Variants in CFAP99 observed in about 807,000 individuals in gnomAD.
CFAP99 encodes the protein cilia and flagella associated protein 99.
Under a neutral mutation model 82.7 loss-of-function variants are expected in CFAP99, and 84 were observed. The ratio of observed to expected loss-of-function variants is 1.02; its 90% confidence interval spans 0.85 to 1.22. The LOEUF (loss-of-function observed/expected upper bound fraction) is 1.22, where lower values mean the gene tolerates loss of function less well. Among genes scored for constraint, CFAP99 ranks in the 50% most tolerant of loss-of-function variants. CFAP99 has a pLI of 0.00. For missense variants in CFAP99, 1,059 were observed against 983.5 expected, an observed-to-expected ratio of 1.08 and a Z score of -1.03; for synonymous variants, 456 against 429.5, an observed-to-expected ratio of 1.06 and a Z score of -0.76.
intron 14 of CFAP99, among the ~76,000 whole-genome samples, chr4:2,460,616 AT>A (rs1226486132): frequency 2.0e-5 from 3 of 152,258 alleles, no homozygotes; most frequent in African/African-American, 7.2e-5. Context: ...TTCTAAAAAA[AT>A]AGATCGTCCT....
intron 2 of CFAP99, among the ~76,000 whole-genome samples, chr4:2,430,921 A>G (rs1454519658): frequency 6.6e-6 from 1 of 151,976 alleles, no homozygotes; most frequent in Non-Finnish European, 1.5e-5. Context: ...AAAAATGTAA[A>G]AATTAGCCAA....
chr4:2,445,868 G>A (rs1734151983), intron 6 of CFAP99, among the ~76,000 whole-genome samples: 1 of 152,224 alleles, frequency 6.6e-6, no homozygotes, highest in South Asian at 2.1e-4. Context: ...TTCCAGCTCT[G>A]CTTCTCGTAT....
chr4:2,445,714 T>C (rs536737735), intron 6 of CFAP99, among the ~76,000 whole-genome samples: 3 of 152,326 alleles, frequency 2.0e-5, no homozygotes, highest in African/African-American at 7.2e-5. Context: ...CTCTCTTTCT[T>C]TCTCTTCCCA....
At chr4:2,439,769 A>C (rs1365958782) in intron 4 of CFAP99, among the ~76,000 whole-genome samples, 4 of 152,166 alleles carry the variant, frequency 2.6e-5, no homozygotes, top group Non-Finnish European at 5.9e-5. Flanking sequence ...GGAAACCAGA[A>C]ACCAAACCCC....
intron 11 of CFAP99, among the ~76,000 whole-genome samples, chr4:2,457,140 CG>C (rs905748471): frequency 6.6e-6 from 1 of 151,842 alleles, no homozygotes; most frequent in Non-Finnish European, 1.5e-5. Flanking sequence ...TCTGTAGAGA[CG>C]GGGTCTCACT....
Position 2,426,506 on chromosome 4 carries a change from G to A in CFAP99, c.31G>A (p.Val11Met). Residue 11 changes from valine to methionine, a missense_variant, in exon 2 of 15, where the codon GTG becomes ATG. Val to Met is a conservative substitution (Grantham distance 21). Coordinates refer to ENST00000635017, the Ensembl canonical transcript of CFAP99. ...CTACTATGGAAAATGCATTGAAACT[G>A]TGATCGAGCAACTCGACAAATTTAC... is the stretch of plus-strand genomic sequence containing the variant. 1.3e-6 allele frequency: 2 copies of A among 1,536,058 alleles called. No individual in the cohort carries two copies. Among genetic ancestry groups the A allele is most frequent in the East Asian group, 2.4e-5 (1 of 40,908 alleles).
At chr4:2,449,481 T>C (rs544540503) in intron 6 of CFAP99, among the ~76,000 whole-genome samples, 189 bp from the exon 7 acceptor site, 19 of 125,900 alleles carry the variant, frequency 1.5e-4, no homozygotes, top group South Asian at 2.7e-4. Context: ...CCTGACCTCC[T>C]TCCCTTTACT....
At chr4:2,449,108 C>CTGGA (rs1194572621) in intron 6 of CFAP99, among the ~76,000 whole-genome samples, 1 of 152,072 alleles carries the variant, frequency 6.6e-6, no homozygotes, top group Non-Finnish European at 1.5e-5. Flanking sequence ...ATACAGCAGT[C>CTGGA]TGGAGCTCAG....
At chr4:2,438,340 G>A (rs1192917165) in intron 4 of CFAP99, among the ~76,000 whole-genome samples, 176 bp downstream of exon 4, 1 of 152,156 alleles carries the variant, frequency 6.6e-6, no homozygotes, top group Non-Finnish European at 1.5e-5. Context: ...TCAGCTCACT[G>A]CAAACTCTGC....
chr4:2,430,177 T>C (rs371512739), intron 2 of CFAP99, among the ~76,000 whole-genome samples: 23 of 100,658 alleles, frequency 2.3e-4, no homozygotes, highest in African/African-American at 5.2e-4. Flanking sequence ...TGCCAGAAAA[T>C]TACGCAATAC....
intron 14 of CFAP99, among the ~76,000 whole-genome samples, chr4:2,460,782 G>A (rs904784761): frequency 6.6e-6 from 1 of 152,078 alleles, no homozygotes; most frequent in Non-Finnish European, 1.5e-5. Context: ...ACAGAGTCTT[G>A]CTCTGTCACC....
chr4:2,455,603 C>T lies in CFAP99; in HGVS notation c.1162-3120C>T, dbSNP rs560133657. On this transcript the variant is annotated intron_variant, in intron 11 of 14. Coordinates refer to ENST00000635017, the Ensembl canonical transcript of CFAP99. ...ACTCAGGAGGCTGAGGCATGAGAAT[C>T]GCTTGAACCCAGGAGGTGGAGGTTG... 3.3e-5 allele frequency among the ~76,000 whole-genome samples: 5 copies of T among 152,302 alleles called. No individual in the cohort carries two copies. In the South Asian group the frequency reaches 6.2e-4, roughly 19 times the overall value.
At chr4:2,431,981 G>A (rs1578466654) in intron 2 of CFAP99, among the ~76,000 whole-genome samples, 1 of 152,184 alleles carries the variant, frequency 6.6e-6, no homozygotes, top group Non-Finnish European at 1.5e-5. Flanking sequence ...ACCGGTGTCT[G>A]TTAGGAAACT....
At chr4:2,421,598 C>T (rs1560374731) in intron 1 of CFAP99, among the ~76,000 whole-genome samples, 1 of 152,130 alleles carries the variant, frequency 6.6e-6, no homozygotes, top group Non-Finnish European at 1.5e-5. Flanking sequence ...ATCTGCCCGC[C>T]TTGGCTTCCC....
chr4:2,447,255 T>C (rs1347830042), intron 6 of CFAP99, among the ~76,000 whole-genome samples: 2 of 150,652 alleles, frequency 1.3e-5, no homozygotes, highest in Non-Finnish European at 2.9e-5. Flanking sequence ...GATAGATGGA[T>C]GACTGGATGG....
intron 4 of CFAP99, among the ~76,000 whole-genome samples, chr4:2,440,600 T>A (rs1039769497): frequency 6.6e-6 from 1 of 151,226 alleles, no homozygotes; most frequent in African/African-American, 2.4e-5. Context: ...AAAAAATATT[T>A]TTTTTCTTTT....
At chr4:2,459,861 G>A (rs1042748070) in intron 13 of CFAP99, among the ~76,000 whole-genome samples, 176 bp from the exon 14 acceptor site, 5 of 152,240 alleles carry the variant, frequency 3.3e-5, no homozygotes, top group African/African-American at 1.2e-4. Flanking sequence ...CACACAAGGT[G>A]TAGTGTTGCA....
At chr4:2,429,730 T>C (rs1448138522) in intron 2 of CFAP99, among the ~76,000 whole-genome samples, 1 of 152,126 alleles carries the variant, frequency 6.6e-6, no homozygotes, top group East Asian at 1.9e-4. Flanking sequence ...TAGCTGGGAC[T>C]ACAGGCGCCC....
intron 4 of CFAP99, among the ~76,000 whole-genome samples, chr4:2,438,963 G>T (rs1464118786): frequency 6.6e-6 from 1 of 152,150 alleles, no homozygotes; most frequent in Non-Finnish European, 1.5e-5. Context: ...TTGGTTCAGG[G>T]CCAGTGATGA....
Sources: gnomAD v4.1 joint callset for allele counts (sites outside exome capture counted in the v4.1 genomes callset) on GRCh38, gnomAD v4.1.1 for gene constraint, MANE v1.5 for transcripts, NCBI Gene and HGNC (gene_info 2026-07-23, HGNC 2026-07-21) for gene names.